Variants in CNOT3 observed in about 807,000 individuals in gnomAD.
CNOT3 encodes the protein CCR4-associated factor 3.
A neutral mutation model predicts 89.4 loss-of-function variants in CNOT3; 2 were observed. The observed-to-expected ratio is 0.02, with a 90% CI of 0.01 to 0.07. The LOEUF (loss-of-function observed/expected upper bound fraction) is 0.07. Ranked by LOEUF, CNOT3 falls within the 10% of genes least tolerant of loss-of-function variation. The pLI is 1.00. For synonymous variants in CNOT3, 486 were observed against 402.0 expected, an observed-to-expected ratio of 1.21 and a Z score of -2.50; for missense variants, 664 against 1,010.2, an observed-to-expected ratio of 0.66 and a Z score of 4.65.
rs560990655 is a variant in CNOT3 at position 54,153,955 on chromosome 19, C to T, written c.2163+115C>T. The stretch of plus-strand genomic sequence containing the variant: ...CCTCCACCTTTCAGCTGGCGCAGTC[C>T]CTCAGCCTGACCAAGTACTCCTCCC... On this transcript the variant is annotated intron_variant, in intron 17 of 17. Transcript: ENST00000221232. 8 of 1,365,200 alleles carry T rather than the reference C, an allele frequency of 5.9e-6. No individual in the cohort carries two copies. The African/African-American group carries it at 1.0e-4, about 17-fold the overall frequency. The allele number at this position is 1,365,200 out of a possible 1,614,324, so 84.6% of individuals were successfully genotyped here. A position where few individuals can be genotyped will look rare whatever the true frequency, so the allele number is the denominator to read the frequency against.
rs1055722006 is a variant in CNOT3 at position 54,144,606 on chromosome 19, G to A, written c.483+274G>A. 6.6e-6 allele frequency among the ~76,000 whole-genome samples: 1 copy of A among 152,166 alleles called. No individual in the cohort carries two copies. The highest frequency in any genetic ancestry group is 2.4e-5 in the African/African-American group (1 of 41,424). On this transcript the variant is annotated intron_variant, in intron 7 of 17. Coordinates refer to ENST00000221232, the MANE Select transcript of CNOT3 (RefSeq NM_014516.4). This position sits in a 1 kb window ranked among gnomAD's most constrained non-coding sequence, Gnocchi z 4.8. ...GTGAAGAGGAGCGACTTGGGGGAAGGTGAGTGCAGGTTGAGCTTGGGCCAC... is the reference window on the plus strand; with the variant it reads ...GTGAAGAGGAGCGACTTGGGGGAAGATGAGTGCAGGTTGAGCTTGGGCCAC...
rs144315558 is a variant in CNOT3, at chr19:54,146,783, C to T, written c.894+126C>T. ...GACACAGGTGGCTCAGAAATCAGTG[C>T]TGCCCTGAGGGCAGGTGGGCAGGGC... On this transcript the variant is annotated intron_variant, in intron 10 of 17. Coordinates refer to ENST00000221232, the MANE Select transcript of CNOT3 (RefSeq NM_014516.4). The T allele has an allele frequency of 2.1e-3, 1,541 of 729,524 alleles. 17 individuals are homozygous for T. In the African/African-American group the frequency reaches 0.024, roughly 11 times the overall value. The allele number at this position is 729,524 out of a possible 1,614,324, so 45.2% of individuals were successfully genotyped here. A position where few individuals can be genotyped will look rare whatever the true frequency, so the allele number is the denominator to read the frequency against.
rs2074944300 is a variant in CNOT3, at chr19:54,149,659, G to A, written c.1506G>A (p.Val502=). 1.2e-6 allele frequency: 2 copies of A among 1,613,932 alleles called. No homozygotes were observed. The highest frequency in any genetic ancestry group is 1.7e-5 in the Admixed American group (1 of 60,002). Residue 502 remains valine, a synonymous_variant, in exon 13 of 18, where the codon GTG becomes GTA. Coordinates refer to ENST00000221232, the MANE Select transcript of CNOT3 (RefSeq NM_014516.4). The part of the protein sequence containing the change: ...GGPSLLVPLP[V]NPPSSPTPSF... ...CCAGCCTCCTGGTGCCACTGCCTGT[G>A]AATCCTCCCAGCTCCCCAACGCCCA...
chr19:54,148,468 C>T lies in CNOT3; in HGVS notation c.1215C>T (p.Gly405=), dbSNP rs43211. 0.22 allele frequency: 347,534 copies of T among 1,558,196 alleles called. 40,945 individuals are homozygous for T. Among genetic ancestry groups the T allele is most frequent in the East Asian group, 0.43 (18,619 of 43,608 alleles). Residue 405 remains glycine, a synonymous_variant, in exon 11 of 18, where the codon GGC becomes GGT. Coordinates refer to ENST00000221232, the MANE Select transcript of CNOT3 (RefSeq NM_014516.4). This position sits in a 1 kb window ranked among gnomAD's most constrained non-coding sequence, Gnocchi z 6.3. ...GAGGCGGAGGCGGCGGCAGCGGAGG[C>T]GGAGGGAGCAGCAGCAGTAGTAACA... ...PSGGGGGGSG[G]GGSSSSSNSS...
intron 16 of CNOT3, 137 bp from the exon 17 acceptor site, chr19:54,153,578 T>C: frequency 1.3e-6 from 1 of 786,866 alleles, no homozygotes; most frequent in Non-Finnish European, 2.4e-6. Context: ...CCCAGCCCCA[T>C]CTCCAAGAGG....
chr19:54,154,604 C>G (rs952815262), intron 17 of CNOT3: 3 of 155,676 alleles, frequency 1.9e-5, no homozygotes, highest in South Asian at 1.9e-4. Context: ...TCCCTGATGC[C>G]GAGCCCCTTC....
intron 15 of CNOT3, 57 bp downstream of exon 15, chr19:54,152,683 G>A (rs1264409321): frequency 3.5e-6 from 5 of 1,436,236 alleles, no homozygotes; most frequent in Admixed American, 3.4e-5. Flanking sequence ...GGAGGAGGCA[G>A]TGGCTGAACC....
At chr19:54,147,973 G>T (rs587601220) in intron 10 of CNOT3, among the ~76,000 whole-genome samples, 175 bp from the exon 11 acceptor site, 1 of 152,256 alleles carries the variant, frequency 6.6e-6, no homozygotes, top group East Asian at 1.9e-4. Flanking sequence ...GCATGAAGGT[G>T]ATTGAAGCCA....
At chr19:54,139,988 A>C (rs1600401327) in intron 1 of CNOT3, among the ~76,000 whole-genome samples, 1 of 152,176 alleles carries the variant, frequency 6.6e-6, no homozygotes, top group East Asian at 1.9e-4. Context: ...CACTTCTCAG[A>C]GCTCCTTGCT....
intron 1 of CNOT3, among the ~76,000 whole-genome samples, chr19:54,138,662 C>T (rs1272282477): frequency 1.3e-5 from 2 of 152,240 alleles, no homozygotes; most frequent in African/African-American, 2.4e-5. Context: ...GGATGGGAGC[C>T]TCTTGGGAGA....
intron 1 of CNOT3, among the ~76,000 whole-genome samples, chr19:54,139,574 T>C (rs2074365827): frequency 6.6e-6 from 1 of 152,130 alleles, no homozygotes; most frequent in East Asian, 1.9e-4. Flanking sequence ...TCCTTGGTAT[T>C]GGTATGGCTG....
chr19:54,142,594 C>A, intron 1 of CNOT3: 1 of 385,826 alleles, frequency 2.6e-6, no homozygotes, highest in Non-Finnish European at 4.9e-6. Context: ...CAGCTGTGTG[C>A]AGCATGACTG....
In CNOT3 at chr19:54,145,963, A is replaced by G. The variant is rs764910094; in HGVS notation, c.757A>G (p.Ile253Val). 1 of 1,613,858 alleles carries G rather than the reference A, an allele frequency of 6.2e-7. No homozygotes were observed. Among genetic ancestry groups the G allele is most frequent in the Non-Finnish European group, 8.5e-7 (1 of 1,179,930 alleles). Residue 253 changes from isoleucine to valine, a missense_variant, in exon 9 of 18, where the codon ATC becomes GTC. Around this residue, in one of 8 missense-constraint regions of CNOT3, gnomAD observed 545 missense variants for 566.2 expected, o/e 0.96. Coordinates refer to ENST00000221232, the MANE Select transcript of CNOT3 (RefSeq NM_014516.4). The surrounding 1 kb of genome is among the most constrained non-coding windows in gnomAD (Gnocchi z 5.9). ...CAGCCACAGCCACATGGAGGATGAG[A>G]TCTTCAACCAGTCCAGCAGCACGCC... ...PPSHSHMEDEIFNQSSSTPTS... is the reference protein window; with the variant it reads ...PPSHSHMEDEVFNQSSSTPTS...
rs752606601 is a variant in CNOT3 at position 54,144,512 on chromosome 19, G to A, written c.483+180G>A. ...TTGGGAGGGCTTAGCAGCTGCACGCGTGGGGCAGGAAGGAGGTCAGACAGA... is the reference window on the plus strand; with the variant it reads ...TTGGGAGGGCTTAGCAGCTGCACGCATGGGGCAGGAAGGAGGTCAGACAGA... On this transcript the variant is annotated intron_variant, in intron 7 of 17. Transcript: ENST00000221232. This position sits in a 1 kb window ranked among gnomAD's most constrained non-coding sequence, Gnocchi z 4.8. Among the ~76,000 whole-genome samples, 4 of 152,212 alleles carry A rather than the reference G, an allele frequency of 2.6e-5. No homozygotes were observed. Among genetic ancestry groups the A allele is most frequent in the African/African-American group, 7.2e-5 (3 of 41,454 alleles).
chr19:54,146,284 C>T (rs1263142173), intron 9 of CNOT3, among the ~76,000 whole-genome samples: 1 of 152,164 alleles, frequency 6.6e-6, no homozygotes, highest in East Asian at 1.9e-4. Context: ...GTGGGAGGGG[C>T]CGGTGCCTGG....
chr19:54,150,485 C>T (rs902867109), intron 13 of CNOT3, among the ~76,000 whole-genome samples: 37 of 149,470 alleles, frequency 2.5e-4, no homozygotes, highest in African/African-American at 9.0e-4. Context: ...ACGGTGGGGT[C>T]CTGATCATCG....
At position 54,138,808 on chromosome 19, in the gene CNOT3, GC is replaced by G. The variant is rs587613163; in HGVS notation, c.-51+817del. Reference sequence around the variant, plus strand: ...CGCCATCCCGCTGCACTGGGCGCCTGCCTTTTTGGGGGAGTTTGGCTTTCCC... The same window carrying G: ...CGCCATCCCGCTGCACTGGGCGCCTGCTTTTTGGGGGAGTTTGGCTTTCCC... On this transcript the variant is annotated intron_variant, in intron 1 of 17. Coordinates refer to ENST00000221232, the MANE Select transcript of CNOT3 (RefSeq NM_014516.4). Among the ~76,000 whole-genome samples, 1,074 of 152,358 alleles carry G rather than the reference GC, an allele frequency of 7.0e-3. 10 individuals are homozygous for G. Among genetic ancestry groups the G allele is most frequent in the African/African-American group, 0.024 (1,004 of 41,586 alleles).
At chr19:54,150,643 GTCC>G (rs1264290213) in intron 13 of CNOT3, among the ~76,000 whole-genome samples, 7 of 151,210 alleles carry the variant, frequency 4.6e-5, no homozygotes, top group Admixed American at 6.6e-5. Context: ...GGCTGTCCAG[GTCC>G]AAGTCTTGGC....
chr19:54,149,511 A>C, intron 12 of CNOT3, 49 bp from the exon 13 acceptor site: 1 of 1,268,038 alleles, frequency 7.9e-7, no homozygotes, highest in African/African-American at 1.5e-5. Flanking sequence ...TGCCCATCCC[A>C]CCCTCAGGGA....
Sources: gnomAD v4.1 joint callset for allele counts (sites outside exome capture counted in the v4.1 genomes callset) on GRCh38, gnomAD v4.1.1 for gene constraint, gnomAD v4.1.1 regional missense constraint, Gnocchi (gnomAD v3.1) non-coding constraint, MANE v1.5 for transcripts, NCBI Gene and HGNC (gene_info 2026-07-23, HGNC 2026-07-21) for gene names.